Variants in SLC38A9 observed in about 807,000 individuals in gnomAD.
SLC38A9 encodes solute carrier family 38 member 9.
In SLC38A9, 48 loss-of-function variants were observed where a neutral mutation model predicts 62.3. The ratio of observed to expected loss-of-function variants is 0.77; its 90% CI spans 0.61 to 0.98. The LOEUF (loss-of-function observed/expected upper bound fraction) is 0.98. Among genes scored for constraint, SLC38A9 ranks in the 50% least tolerant of loss-of-function variants. SLC38A9 has a pLI of 0.00. For synonymous variants in SLC38A9, 204 were observed against 227.7 expected (o/e 0.90, Z 0.94); for missense variants, 541 against 679.8 (o/e 0.80, Z 2.27).
chr5:55,633,338 C>G (rs1000289690), intron 14 of SLC38A9: 1 of 154,426 alleles, frequency 6.5e-6, no homozygotes, highest in African/African-American at 2.4e-5. Context: ...TCTTGTCGGT[C>G]ATTTTCAACA....
intron 3 of SLC38A9, among the ~76,000 whole-genome samples, chr5:55,677,921 CTTTA>C (rs1370172597): frequency 1.0e-3 from 21 of 20,784 alleles, no homozygotes; most frequent in South Asian, 6.8e-3. Flanking sequence ...CTTTTTTTTT[CTTTA>C]TTGTGTGTGT....
At chr5:55,687,784 C>T (rs546277097) in intron 3 of SLC38A9, among the ~76,000 whole-genome samples, 23 of 152,066 alleles carry the variant, frequency 1.5e-4, no homozygotes, top group African/African-American at 3.1e-4. Context: ...CTGCAACCTC[C>T]GCCTCTTGGG....
intron 8 of SLC38A9, among the ~76,000 whole-genome samples, chr5:55,659,076 C>T (rs948339531): frequency 5.3e-5 from 8 of 151,990 alleles, no homozygotes; most frequent in African/African-American, 1.7e-4. Flanking sequence ...TAAAATTCAA[C>T]CACTTTAATA....
Position 55,652,714 on chromosome 5 carries a change from G to A in SLC38A9, c.767C>T (p.Pro256Leu). 7 of 1,609,942 alleles carry A rather than the reference G, an allele frequency of 4.3e-6. No individual in the cohort carries two copies. The highest frequency in any genetic ancestry group is 5.1e-6 in the Non-Finnish European group (6 of 1,177,990). Residue 256 changes from proline (P) to leucine (L), a missense_variant, in exon 10 of 16, where the codon CCA becomes CTA. Transcript: ENST00000396865. ...STNNSNPVIC[P>L]SAGSGGHPDN... ...AGGATGGCCTCCACTCCCGGCACTT[G>A]GACAAATCACTGCAATAGGAAAGCA...
intron 14 of SLC38A9, among the ~76,000 whole-genome samples, chr5:55,632,632 T>G (rs1743685350): frequency 6.6e-6 from 1 of 152,162 alleles, no homozygotes. Flanking sequence ...TTCCCCAAAG[T>G]GGAACATGGA....
At chr5:55,660,124 C>T (rs922966904) in intron 8 of SLC38A9, among the ~76,000 whole-genome samples, 2 of 150,740 alleles carry the variant, frequency 1.3e-5, no homozygotes, top group Non-Finnish European at 3.0e-5. Flanking sequence ...GATAAACATT[C>T]AAGGGGCAGG....
intron 13 of SLC38A9, 177 bp from the exon 14 acceptor site, chr5:55,634,079 C>T (rs1023544849): frequency 1.4e-5 from 6 of 423,638 alleles, no homozygotes; most frequent in Admixed American, 4.2e-5. Flanking sequence ...GTATAGAAAC[C>T]GAAAGTGTTC....
chr5:55,677,340 C>T (rs192026969), intron 3 of SLC38A9, among the ~76,000 whole-genome samples: 2 of 152,220 alleles, frequency 1.3e-5, no homozygotes, highest in African/African-American at 4.8e-5. Context: ...GTAAAGTATT[C>T]AATATGACTG....
intron 11 of SLC38A9, 39 bp downstream of exon 11, chr5:55,649,168 T>C: frequency 1.7e-6 from 2 of 1,170,940 alleles, no homozygotes; most frequent in Non-Finnish European, 2.4e-6. Flanking sequence ...ATGGTTAAGA[T>C]CACATTATTA....
intron 6 of SLC38A9, 28 bp downstream of exon 6, chr5:55,669,528 CA>C: frequency 6.3e-7 from 1 of 1,576,948 alleles, no homozygotes; most frequent in East Asian, 2.3e-5. Context: ...AACATTTAGG[CA>C]AAAAGTGTGC....
chr5:55,691,397 G>A (rs1005480596), intron 3 of SLC38A9: 6 of 1,312,210 alleles, frequency 4.6e-6, no homozygotes, highest in African/African-American at 1.5e-5. Context: ...TTCCTGCCCT[G>A]GGTAATACTG....
At chr5:55,665,873 G>A (rs1750374974) in intron 7 of SLC38A9, among the ~76,000 whole-genome samples, 1 of 152,124 alleles carries the variant, frequency 6.6e-6, no homozygotes, top group Admixed American at 6.5e-5. Flanking sequence ...TGAGGTGGGA[G>A]GATCCCTTGA....
At chr5:55,703,100 A>G (rs1016057286) in intron 2 of SLC38A9, among the ~76,000 whole-genome samples, 1 of 152,160 alleles carries the variant, frequency 6.6e-6, no homozygotes, top group Non-Finnish European at 1.5e-5. Flanking sequence ...ACTCTGAACA[A>G]TATATTCATT....
At chr5:55,651,126 C>T (rs187954225) in intron 10 of SLC38A9, among the ~76,000 whole-genome samples, 26 of 151,916 alleles carry the variant, frequency 1.7e-4, no homozygotes, top group African/African-American at 6.3e-4. Context: ...TGCCAGAGAT[C>T]ACATCCACAG....
chr5:55,668,643 C>T (rs1239238147), intron 7 of SLC38A9, among the ~76,000 whole-genome samples: 2 of 152,170 alleles, frequency 1.3e-5, no homozygotes, highest in African/African-American at 4.8e-5. Context: ...AAAGTCTGGC[C>T]TGTTGATTCA....
intron 12 of SLC38A9, among the ~76,000 whole-genome samples, chr5:55,637,977 T>C (rs1174653634): frequency 1.4e-5 from 2 of 141,452 alleles, no homozygotes; most frequent in African/African-American, 5.5e-5. Context: ...TAATAAACAA[T>C]AATAATAAAA....
At chr5:55,672,092 T>C (rs1015512507) in intron 4 of SLC38A9, among the ~76,000 whole-genome samples, 62 of 152,262 alleles carry the variant, frequency 4.1e-4, no homozygotes, top group African/African-American at 1.4e-3. Flanking sequence ...GCTCAAGTGA[T>C]CCTCTTGCCT....
At chr5:55,664,147 A>C (rs921024785) in intron 8 of SLC38A9, among the ~76,000 whole-genome samples, 1 of 151,824 alleles carries the variant, frequency 6.6e-6, no homozygotes, top group Non-Finnish European at 1.5e-5. Context: ...AAAGAAAAAA[A>C]AATTCATTAA....
At chr5:55,635,468 G>T in intron 13 of SLC38A9, 76 bp downstream of exon 13, 1 of 1,034,672 alleles carries the variant, frequency 9.7e-7, no homozygotes, top group Non-Finnish European at 1.5e-6. Context: ...GTTATATCTT[G>T]CCACTGTATC....
Sources: gnomAD v4.1 joint callset for allele counts (sites outside exome capture counted in the v4.1 genomes callset) on GRCh38, gnomAD v4.1.1 for gene constraint, MANE v1.5 for transcripts, NCBI Gene and HGNC (gene_info 2026-07-23, HGNC 2026-07-21) for gene names.